Variants in CELF2 observed in about 807,000 individuals in gnomAD.
CELF2 encodes CUGBP Elav-like family member 2.
A neutral mutation model predicts 62.6 loss-of-function variants in CELF2; 8 were observed. The observed-to-expected ratio is 0.13, with a 90% CI of 0.07 to 0.23. CELF2 has a LOEUF of 0.23. CELF2 is among the 10% of genes least tolerant of loss of function. The pLI is 1.00. For missense variants in CELF2, 333 were observed against 671.0 expected (o/e 0.50, Z 5.56); for synonymous variants, 258 against 250.0 (o/e 1.03, Z -0.30).
At chr10:10,511,138 G>A in the CELF2 span, among the ~76,000 whole-genome samples, 12 of 152,262 alleles carry the variant, frequency 7.9e-5, no homozygotes, top group African/African-American at 2.2e-4. Context: ...GGCTGGGCAC[G>A]GTGGCTCACG....
rs1374895954 is a variant in CELF2 at position 11,165,969 on chromosome 10, C to A, written c.271+287C>A. On this transcript the variant is annotated intron_variant, in intron 2 of 12. Transcript: ENST00000633077. The surrounding 1 kb of genome is among the most constrained non-coding windows in gnomAD (Gnocchi z 7.4). ...CGCTCCCGGGAGGTCACTTTCTAGGCAGCCCAGCCTGTGCTTGGGCGGGGT... is the reference window on the plus strand; with the variant it reads ...CGCTCCCGGGAGGTCACTTTCTAGGAAGCCCAGCCTGTGCTTGGGCGGGGT... 1.3e-5 allele frequency among the ~76,000 whole-genome samples: 2 copies of A among 152,262 alleles called. No individual in the cohort carries two copies. The highest frequency in any genetic ancestry group is 4.8e-5 in the African/African-American group (2 of 41,480).
the CELF2 span, among the ~76,000 whole-genome samples, chr10:10,503,698 A>G: frequency 6.6e-6 from 1 of 151,976 alleles, no homozygotes; most frequent in Admixed American, 6.6e-5. Context: ...GTATATTTAG[A>G]TCATTTACAT....
chr10:11,046,003 CAA>C lies in CELF2; in HGVS notation c.74+27843_74+27844del, dbSNP rs1393287456. 6.6e-6 allele frequency among the ~76,000 whole-genome samples: 1 copy of C among 151,990 alleles called. No individual in the cohort carries two copies. Among genetic ancestry groups the C allele is most frequent in the Non-Finnish European group, 1.5e-5 (1 of 67,992 alleles). ...AGGGGTAGAGGTGAAAGAAAGGAAA[CAA>C]AATTTAAAATGCTCAGGGTTTGTTT... On this transcript the variant is annotated intron_variant, in intron 1 of 12. Transcript: ENST00000633077. The surrounding 1 kb of genome is among the most constrained non-coding windows in gnomAD (Gnocchi z 4.6).
At chr10:10,902,273 T>C (rs150138375) in intron 1 of CELF2, among the ~76,000 whole-genome samples, 109 of 152,296 alleles carry the variant, frequency 7.2e-4, no homozygotes, top group Middle Eastern at 3.4e-3. Context: ...ACAGTTTTGA[T>C]AGAAAGATGT....
chr10:11,045,251 C>G (rs2139714123), intron 1 of CELF2, among the ~76,000 whole-genome samples: 1 of 152,242 alleles, frequency 6.6e-6, no homozygotes, highest in South Asian at 2.1e-4. Flanking sequence ...TGAGCTCAGG[C>G]TAAGAGCTGG....
intron 1 of CELF2, among the ~76,000 whole-genome samples, chr10:10,916,106 C>T (rs1320094899): frequency 6.6e-6 from 1 of 152,136 alleles, no homozygotes; most frequent in Non-Finnish European, 1.5e-5. Context: ...ATTTATTTTC[C>T]TCAAGGGTTG....
In CELF2 at chr10:11,075,629, G is replaced by A. The variant is rs1428909618; in HGVS notation, c.74+57466G>A. Among the ~76,000 whole-genome samples the A allele has an allele frequency of 6.6e-6, 1 of 152,154 alleles. No individual in the cohort carries two copies. Among genetic ancestry groups the A allele is most frequent in the Non-Finnish European group, 1.5e-5 (1 of 68,036 alleles). On this transcript the variant is annotated intron_variant, in intron 1 of 12. Transcript: ENST00000633077. This position sits in a 1 kb window ranked among gnomAD's most constrained non-coding sequence, Gnocchi z 5.4. ...GACTTAAATGTCCAGGGTCTACAGT[G>A]AATGTTGGTTTAGCGTTCACTTAGA...
At position 11,244,187 on chromosome 10, in the gene CELF2, G is replaced by A. The variant is rs1019914461; in HGVS notation, c.355-4966G>A. Among the ~76,000 whole-genome samples, 1 of 152,260 alleles carries A rather than the reference G, an allele frequency of 6.6e-6. No homozygotes were observed. The highest frequency in any genetic ancestry group is 2.4e-5 in the African/African-American group (1 of 41,480). ...TTCATCATTAGCTCTTGAGAAGGGT[G>A]CTCAGGGTGTGGCCACTGGCTGCCG... On this transcript the variant is annotated intron_variant, in intron 3 of 12. Transcript: ENST00000633077. The surrounding 1 kb of genome is among the most constrained non-coding windows in gnomAD (Gnocchi z 4.2).
the CELF2 span, among the ~76,000 whole-genome samples, chr10:10,500,153 T>C: frequency 6.6e-6 from 1 of 152,232 alleles, no homozygotes; most frequent in South Asian, 2.1e-4. Context: ...CATTTTGAGA[T>C]AGGATCCATC....
chr10:10,811,008 G>C (rs1445853185), intron 1 of CELF2, among the ~76,000 whole-genome samples: 1 of 152,244 alleles, frequency 6.6e-6, no homozygotes, highest in Non-Finnish European at 1.5e-5. Context: ...GCTTCAGAGA[G>C]TATGCGCAGA....
the CELF2 span, among the ~76,000 whole-genome samples, chr10:10,670,208 A>C: frequency 3.3e-5 from 5 of 152,178 alleles, no homozygotes; most frequent in African/African-American, 1.2e-4. Flanking sequence ...GGCCTCTTAC[A>C]TGCTTTAAAC....
intron 5 of CELF2, among the ~76,000 whole-genome samples, chr10:11,264,187 T>C (rs1459104927): frequency 2.0e-5 from 3 of 152,236 alleles, no homozygotes; most frequent in Admixed American, 6.5e-5. Flanking sequence ...GAAAGGGCAA[T>C]GATTTGAGTT....
chr10:10,539,763 C>T, the CELF2 span, among the ~76,000 whole-genome samples: 1 of 152,128 alleles, frequency 6.6e-6, no homozygotes, highest in African/African-American at 2.4e-5. Flanking sequence ...GTGAAAAAGG[C>T]CAAGACATAA....
At chr10:10,988,507 C>A (rs2053070774) in intron 2 of CELF2, among the ~76,000 whole-genome samples, 1 of 151,866 alleles carries the variant, frequency 6.6e-6, no homozygotes, top group African/African-American at 2.4e-5. Flanking sequence ...ACTTTGAGGA[C>A]TTGGTGGGGA....
At chr10:10,649,359 T>C in the CELF2 span, among the ~76,000 whole-genome samples, 1 of 152,204 alleles carries the variant, frequency 6.6e-6, no homozygotes, top group Non-Finnish European at 1.5e-5. Flanking sequence ...CTCTTTTGTA[T>C]ATACTCAGGT....
chr10:10,860,804 T>C (rs2133107057), intron 1 of CELF2, among the ~76,000 whole-genome samples: 1 of 152,330 alleles, frequency 6.6e-6, no homozygotes, highest in South Asian at 2.1e-4. Context: ...TTGCATACAG[T>C]GTGATGAGGC....
chr10:11,277,375 C>T (rs900034047), intron 8 of CELF2, among the ~76,000 whole-genome samples: 23 of 152,164 alleles, frequency 1.5e-4, no homozygotes, highest in African/African-American at 5.1e-4. Flanking sequence ...GTGAGAGGGG[C>T]GCCTCTCTCC....
At chr10:10,683,453 T>C in the CELF2 span, among the ~76,000 whole-genome samples, 1 of 152,234 alleles carries the variant, frequency 6.6e-6, no homozygotes, top group African/African-American at 2.4e-5. Flanking sequence ...TTCTTTTTAA[T>C]GTTTTAATCC....
the CELF2 span, among the ~76,000 whole-genome samples, chr10:10,772,955 G>A: frequency 6.6e-6 from 1 of 152,156 alleles, no homozygotes; most frequent in African/African-American, 2.4e-5. Flanking sequence ...TATAGTAGAA[G>A]AAAATTTAGT....
Sources: allele counts gnomAD v4.1 joint callset (sites outside exome capture counted in the v4.1 genomes callset), GRCh38; gene constraint gnomAD v4.1.1; non-coding constraint Gnocchi (gnomAD v3.1); transcripts MANE v1.5; gene names NCBI Gene and HGNC (gene_info 2026-07-23, HGNC 2026-07-21).